MYCBP2: variants seen among roughly 807,000 people sequenced by gnomAD.
MYCBP2 encodes the protein MYC binding protein 2.
In MYCBP2, 120 loss-of-function variants were observed where a neutral mutation model predicts 525.3. The ratio of observed to expected loss-of-function variants is 0.23; its 90% CI spans 0.20 to 0.27. The LOEUF (loss-of-function observed/expected upper bound fraction) is 0.27. MYCBP2 is among the 10% of genes least tolerant of loss of function. The pLI is 1.00. For missense variants in MYCBP2, 4,149 were observed against 5,657.1 expected (o/e 0.73, Z 8.55); for synonymous variants, 1,894 against 1,955.8 (o/e 0.97, Z 0.83).
chr13:77,291,113 G>T (rs951417706), intron 2 of MYCBP2, among the ~76,000 whole-genome samples: 1 of 152,062 alleles, frequency 6.6e-6, no homozygotes, highest in African/African-American at 2.4e-5. Context: ...CCACAGAACA[G>T]GAGAAATGTA....
In MYCBP2 at chr13:77,230,908, T is replaced by C. The variant is rs1161771589; in HGVS notation, c.2737+2248A>G. ...ATGTTGGTGCTCAAAAAGTTTCAGA[T>C]CTTGGAGCATTTCGAATTTTCAAAT... On this transcript the variant is annotated intron_variant, in intron 18 of 82. Coordinates refer to ENST00000544440, the MANE Select transcript of MYCBP2 (RefSeq NM_015057.5). 2.0e-5 allele frequency among the ~76,000 whole-genome samples: 3 copies of C among 152,204 alleles called. No individual in the cohort carries two copies. The East Asian group carries it at 5.8e-4, about 29-fold the overall frequency.
chr13:77,243,078 G>A lies in MYCBP2; in HGVS notation c.2610C>T (p.His870=), dbSNP rs1275433859. The change falls in exon 17 of 83, where the codon CAC becomes CAT. Residue 870 remains histidine (H), a synonymous_variant. Coordinates refer to ENST00000544440, the MANE Select transcript of MYCBP2 (RefSeq NM_015057.5). The stretch of plus-strand genomic sequence containing the variant: ...TCTTACCTCTTCCTTCCTCTAATCT[G>A]TGCCTTCTGATTACACGTTGCCGTT... The part of the protein sequence containing the change: ...EEKRQRVIRR[H]RLEEGRGPLV... 2 of 1,613,852 alleles carry A rather than the reference G, an allele frequency of 1.2e-6. No homozygotes were observed. The highest frequency in any genetic ancestry group is 2.2e-5 in the South Asian group (2 of 91,068).
intron 2 of MYCBP2, among the ~76,000 whole-genome samples, chr13:77,294,113 T>TATATATATATATAC (rs2077825249): frequency 1.9e-5 from 1 of 52,888 alleles, no homozygotes; most frequent in African/African-American, 5.0e-5. Context: ...GCTATATATA[T>TATATATATATATAC]ATATATATAT....
At chr13:77,130,239 A>C (rs2052509467) in intron 52 of MYCBP2, among the ~76,000 whole-genome samples, 1 of 151,878 alleles carries the variant, frequency 6.6e-6, no homozygotes, top group South Asian at 2.1e-4. Flanking sequence ...AAGATCAACT[A>C]AGACTTCAAC....
At chr13:77,268,098 A>G (rs554294483) in intron 7 of MYCBP2, among the ~76,000 whole-genome samples, 161 bp from the exon 8 acceptor site, 1 of 152,198 alleles carries the variant, frequency 6.6e-6, no homozygotes, top group Non-Finnish European at 1.5e-5. Flanking sequence ...ATTCCTCTCA[A>G]TTAGAGGAAA....
intron 55 of MYCBP2, among the ~76,000 whole-genome samples, chr13:77,109,305 C>T (rs2048382617): frequency 1.3e-5 from 2 of 152,170 alleles, no homozygotes; most frequent in Admixed American, 1.3e-4. Flanking sequence ...ATGAGGAGCT[C>T]TCAACCTAGA....
rs775135626 is a variant in MYCBP2 at position 77,058,449 on chromosome 13, G to A, written c.13141-43C>T. 8 of 1,460,550 alleles carry A rather than the reference G, an allele frequency of 5.5e-6. No homozygotes were observed. Among genetic ancestry groups the A allele is most frequent in the Non-Finnish European group, 7.3e-6 (8 of 1,093,380 alleles). The allele number at this position is 1,460,550 out of a possible 1,614,324, so 90.5% of individuals were successfully genotyped here. ...CAATGTTACACAAGTATGTAAAAAAGCACACATTCTGGTAATTTTCCTTAT... is the reference window on the plus strand; with the variant it reads ...CAATGTTACACAAGTATGTAAAAAAACACACATTCTGGTAATTTTCCTTAT... On this transcript the variant is annotated intron_variant, in intron 77 of 82. Coordinates refer to ENST00000544440, the MANE Select transcript of MYCBP2 (RefSeq NM_015057.5). This position sits in a 1 kb window ranked among gnomAD's most constrained non-coding sequence, Gnocchi z 4.1.
At chr13:77,117,317 A>G (rs1343488176) in intron 55 of MYCBP2, among the ~76,000 whole-genome samples, 3 of 152,044 alleles carry the variant, frequency 2.0e-5, no homozygotes, top group Non-Finnish European at 2.9e-5. Flanking sequence ...TATATTTCCA[A>G]ACTAATTAAT....
intron 56 of MYCBP2, among the ~76,000 whole-genome samples, chr13:77,096,784 G>A (rs576250932): frequency 6.6e-6 from 1 of 151,984 alleles, no homozygotes; most frequent in South Asian, 2.1e-4. Flanking sequence ...GACAATACAA[G>A]TATAAAAGTT....
At position 77,081,107 on chromosome 13, in the gene MYCBP2, T is replaced by G; in HGVS notation, c.11418+320A>C. The G allele has an allele frequency of 3.8e-6, 1 of 263,846 alleles. No homozygotes were observed. The highest frequency in any genetic ancestry group is 7.5e-5 in the South Asian group (1 of 13,272). 16.3% of individuals were successfully genotyped at this position (263,846 alleles called of 1,614,324 possible). ...CCCTGGAAGAATTGATCAGCAGAGT[T>G]TAAGGGGAGGACTTCCAGGTCACGG... On this transcript the variant is annotated intron_variant, in intron 65 of 82. Coordinates refer to ENST00000544440, the MANE Select transcript of MYCBP2 (RefSeq NM_015057.5). This position sits in a 1 kb window ranked among gnomAD's most constrained non-coding sequence, Gnocchi z 4.6.
At chr13:77,243,655 T>C (rs4884060) in intron 16 of MYCBP2, 151 bp downstream of exon 16, 15,144 of 607,826 alleles carry the variant, frequency 0.025, 349 homozygotes, top group Admixed American at 0.099. Flanking sequence ...CCTTAAACAA[T>C]GTCATATTGT....
intron 47 of MYCBP2, among the ~76,000 whole-genome samples, chr13:77,148,418 C>G (rs965786963): frequency 1.2e-4 from 18 of 152,006 alleles, no homozygotes; most frequent in Admixed American, 8.5e-4. Flanking sequence ...ATTGTTCTGT[C>G]TCTGAAATCA....
intron 72 of MYCBP2, among the ~76,000 whole-genome samples, chr13:77,065,564 G>A (rs1349619405): frequency 6.6e-6 from 1 of 152,078 alleles, no homozygotes; most frequent in African/African-American, 2.4e-5. Context: ...GATCTCCTTT[G>A]GAAGCCACCA....
At chr13:77,145,754 C>A (rs1050822595) in intron 48 of MYCBP2, among the ~76,000 whole-genome samples, 4 of 151,818 alleles carry the variant, frequency 2.6e-5, no homozygotes, top group Non-Finnish European at 5.9e-5. Flanking sequence ...TACTTACGGG[C>A]TGAAAAATTA....
chr13:77,218,899 T>C lies in MYCBP2; in HGVS notation c.2940-942A>G, dbSNP rs185777632. 3.9e-5 allele frequency among the ~76,000 whole-genome samples: 6 copies of C among 152,276 alleles called. No homozygotes were observed. In the East Asian group the frequency reaches 9.6e-4, roughly 24 times the overall value. On this transcript the variant is annotated intron_variant, in intron 20 of 82. Transcript: ENST00000544440. ...AAAAATTATATAGTAGTTTGGGTAA[T>C]TTATGATGAAGGCCTTAACTAGGAG...
chr13:77,055,452 C>T (rs1412923596), intron 80 of MYCBP2, 106 bp downstream of exon 80: 3 of 924,438 alleles, frequency 3.2e-6, no homozygotes, highest in Admixed American at 5.6e-5. Context: ...TTATTTTTAA[C>T]TTCAGGCTTA....
At chr13:77,283,889 C>G (rs1316864096) in intron 3 of MYCBP2, among the ~76,000 whole-genome samples, 2 of 152,034 alleles carry the variant, frequency 1.3e-5, no homozygotes, top group Non-Finnish European at 2.9e-5. Context: ...CAGAGCCAGA[C>G]CCTGTCTCAA....
chr13:77,296,749 A>G, intron 1 of MYCBP2, 75 bp from the exon 2 acceptor site: 1 of 1,126,054 alleles, frequency 8.9e-7, no homozygotes, highest in Non-Finnish European at 1.2e-6. Context: ...AAAAATGGGT[A>G]TTTCCAAAGT....
At chr13:77,078,551 T>C (rs1015907004) in intron 66 of MYCBP2, among the ~76,000 whole-genome samples, 2 of 152,174 alleles carry the variant, frequency 1.3e-5, no homozygotes, top group Non-Finnish European at 2.9e-5. Context: ...TAAGATACCC[T>C]GAGTCTTTGT....
Sources: allele counts gnomAD v4.1 joint callset (sites outside exome capture counted in the v4.1 genomes callset), GRCh38; gene constraint gnomAD v4.1.1; non-coding constraint Gnocchi (gnomAD v3.1); transcripts MANE v1.5; gene names NCBI Gene and HGNC (gene_info 2026-07-23, HGNC 2026-07-21).